The following SYNE2 variants were observed in gnomAD, a reference collection of about 807,000 sequenced individuals.
The protein encoded by SYNE2 is nesprin-2.
SYNE2 carries 431 observed loss-of-function variants against 856.3 expected under a neutral mutation model. The observed-to-expected ratio is 0.50, with a 90% confidence interval of 0.47 to 0.55. SYNE2 has a LOEUF of 0.55. SYNE2 is among the 20% of genes least tolerant of loss of function. The probability of loss-of-function intolerance (pLI) is 0.00; values close to 1 mark genes in which losing one functional copy is unlikely to be tolerated. For missense variants in SYNE2, 8,129 were observed against 8,023.2 expected (o/e 1.01, Z -0.50); for synonymous variants, 2,923 against 2,872.3 (o/e 1.02, Z -0.56).
At position 64,225,915 on chromosome 14, in the gene SYNE2, A is replaced by C; in HGVS notation, c.*389A>C. 2.4e-6 allele frequency: 1 copy of C among 412,998 alleles called. No individual in the cohort carries two copies. The allele number at this position is 412,998 out of a possible 1,614,324, so 25.6% of individuals were successfully genotyped here. The stretch of plus-strand genomic sequence containing the variant: ...ATATATTATAGAAGCAAGCGAGGAC[A>C]TTCCACCCTAGAAATGGTTCAGAAA... On this transcript the variant is annotated 3_prime_UTR_variant, in exon 116 of 116. Coordinates refer to ENST00000555002, the MANE Select transcript of SYNE2 (RefSeq NM_182914.3).
At chr14:63,927,568 G>C (rs2095685915) in intron 2 of SYNE2, among the ~76,000 whole-genome samples, 1 of 152,022 alleles carries the variant, frequency 6.6e-6, no homozygotes, top group Non-Finnish European at 1.5e-5. Context: ...ACTTTTGCTT[G>C]TCTCTCATTC....
At chr14:63,887,893 C>T (rs1320142607) in intron 1 of SYNE2, among the ~76,000 whole-genome samples, 3 of 151,842 alleles carry the variant, frequency 2.0e-5, no homozygotes, top group Non-Finnish European at 2.9e-5. Flanking sequence ...GCTGGGATTA[C>T]AGGAATGTGC....
At chr14:63,922,005 G>A (rs1011911337) in intron 2 of SYNE2, among the ~76,000 whole-genome samples, 22 of 152,240 alleles carry the variant, frequency 1.4e-4, no homozygotes, top group Middle Eastern at 3.4e-3. Flanking sequence ...TAGATGTTTT[G>A]TTTTATTTTA....
At chr14:63,946,532 T>C (rs1412217441) in intron 6 of SYNE2, among the ~76,000 whole-genome samples, 1 of 148,330 alleles carries the variant, frequency 6.7e-6, no homozygotes, top group Non-Finnish European at 1.5e-5. Flanking sequence ...TGATCTCCAG[T>C]ATATACATTA....
chr14:63,875,600 C>A (rs1460191496), intron 1 of SYNE2, among the ~76,000 whole-genome samples: 1 of 151,214 alleles, frequency 6.6e-6, no homozygotes, highest in Non-Finnish European at 1.5e-5. Context: ...GGACACTGAG[C>A]AAGGGGATTG....
intron 2 of SYNE2, among the ~76,000 whole-genome samples, chr14:63,935,017 T>C (rs1324393720): frequency 6.6e-6 from 1 of 151,934 alleles, no homozygotes; most frequent in Non-Finnish European, 1.5e-5. Context: ...TAGCCTTTGA[T>C]GCTTTTTTTT....
At chr14:63,948,507 C>T (rs2096072590) in intron 6 of SYNE2, among the ~76,000 whole-genome samples, 1 of 151,034 alleles carries the variant, frequency 6.6e-6, no homozygotes, top group Admixed American at 6.6e-5. Flanking sequence ...ACTAAAAATA[C>T]AAAAATTAGC....
At chr14:63,948,782 GTATATATA>G (rs3062027) in intron 6 of SYNE2, among the ~76,000 whole-genome samples, 1,382 of 43,852 alleles carry the variant, frequency 0.032, 40 homozygotes, top group Middle Eastern at 0.045. Flanking sequence ...ATGTGTGTGT[GTATATATA>G]TATATATATA....
At chr14:63,959,777 A>C (rs1478452480) in intron 8 of SYNE2, among the ~76,000 whole-genome samples, 1 of 148,804 alleles carries the variant, frequency 6.7e-6, no homozygotes, top group Non-Finnish European at 1.5e-5. Context: ...TTTTGTTCTC[A>C]TTTCCTGTTT....
intron 1 of SYNE2, among the ~76,000 whole-genome samples, chr14:63,809,140 C>T (rs532686696): frequency 1.3e-4 from 19 of 151,938 alleles, no homozygotes; most frequent in Admixed American, 3.3e-4. Flanking sequence ...TGATGTGCCA[C>T]GATCTGCTCC....
intron 11 of SYNE2, among the ~76,000 whole-genome samples, chr14:63,974,425 G>C (rs919141250): frequency 3.3e-5 from 5 of 152,118 alleles, no homozygotes; most frequent in Admixed American, 2.6e-4. Flanking sequence ...GGAGGTGCCA[G>C]ACTCTTTTCA....
In SYNE2 at chr14:64,126,485, G is replaced by A. The variant is rs776316108; in HGVS notation, c.13707+6G>A. The A allele has an allele frequency of 1.2e-5, 20 of 1,613,982 alleles. No individual in the cohort carries two copies. In the South Asian group the frequency reaches 1.9e-4, roughly 15 times the overall value. On this transcript the variant is annotated splice_donor_region_variant and intron_variant, in intron 72 of 115. Coordinates refer to ENST00000555002, the MANE Select transcript of SYNE2 (RefSeq NM_182914.3). ...GCCAGCAGGTGCACTACGAGGTAGGGCACTTCTCACGAGCCCATGTGTTGG... is the reference window on the plus strand; with the variant it reads ...GCCAGCAGGTGCACTACGAGGTAGGACACTTCTCACGAGCCCATGTGTTGG...
chr14:63,865,723 C>T (rs1030761388), intron 1 of SYNE2, among the ~76,000 whole-genome samples: 4 of 99,824 alleles, frequency 4.0e-5, no homozygotes, highest in Admixed American at 1.0e-4. Context: ...CACCCCCCCC[C>T]CAAAAAAAAA....
chr14:63,767,424 T>G (rs535243340), intron 1 of SYNE2, among the ~76,000 whole-genome samples: 1 of 152,176 alleles, frequency 6.6e-6, no homozygotes, highest in South Asian at 2.1e-4. Context: ...TTTTATTTTT[T>G]AAATTTTTCT....
chr14:64,218,859 T>C (rs749312287), intron 109 of SYNE2, among the ~76,000 whole-genome samples: 1 of 152,182 alleles, frequency 6.6e-6, no homozygotes, highest in South Asian at 2.1e-4. Context: ...ATTATAAAAG[T>C]AATTACTCAA....
intron 96 of SYNE2, among the ~76,000 whole-genome samples, chr14:64,178,375 T>G (rs1300310658): frequency 6.6e-6 from 1 of 152,242 alleles, no homozygotes; most frequent in Non-Finnish European, 1.5e-5. Flanking sequence ...CTTAGAGGTG[T>G]CAGTAACCCT....
chr14:64,027,410 G>C, intron 42 of SYNE2, 74 bp from the exon 43 acceptor site: 1 of 937,456 alleles, frequency 1.1e-6, no homozygotes, highest in Non-Finnish European at 1.6e-6. Flanking sequence ...TAGGATGTGT[G>C]TTACATAATA....
rs530794715 is a variant in SYNE2, at chr14:63,797,843, A to G, written c.-305+35857A>G. ...AATACCTTGCTCATAGTAGACACTG[A>G]AGAAGTGAGAGATTTTTCTAGCCAT... is the stretch of plus-strand genomic sequence containing the variant. On this transcript the variant is annotated intron_variant, in intron 1 of 23. Transcript: ENST00000674003. Among the ~76,000 whole-genome samples the G allele has an allele frequency of 2.6e-4, 39 of 152,368 alleles. 1 individual carries two copies. Among genetic ancestry groups the G allele is most frequent in the African/African-American group, 9.4e-4 (39 of 41,590 alleles).
At position 63,988,303 on chromosome 14, in the gene SYNE2, C is replaced by G. The variant is rs368878658; in HGVS notation, c.2313+1686C>G. ...GTATTGCCCAGGCAGGCCTTGAACT[C>G]CTGGGCTCAAGTGATTTGCCCGCCT... On this transcript the variant is annotated intron_variant, in intron 19 of 115. Coordinates refer to ENST00000555002, the MANE Select transcript of SYNE2 (RefSeq NM_182914.3). 1.6e-3 allele frequency among the ~76,000 whole-genome samples: 242 copies of G among 152,340 alleles called. 1 individual carries two copies. The highest frequency in any genetic ancestry group is 5.3e-3 in the African/African-American group (222 of 41,586).
Sources: allele counts gnomAD v4.1 joint callset (sites outside exome capture counted in the v4.1 genomes callset), GRCh38; gene constraint gnomAD v4.1.1; transcripts MANE v1.5; gene names NCBI Gene and HGNC (gene_info 2026-07-23, HGNC 2026-07-21).